TAFA1: variants seen among roughly 807,000 people sequenced by gnomAD.
The protein encoded by TAFA1 is chemokine-like protein TAFA-1.
Under a neutral mutation model 18.5 loss-of-function variants are expected in TAFA1, and 4 were observed. The ratio of observed to expected loss-of-function variants is 0.22; its 90% CI spans 0.11 to 0.49. TAFA1 has a LOEUF of 0.49. Among genes scored for constraint, TAFA1 ranks in the 20% least tolerant of loss-of-function variants. The probability of loss-of-function intolerance (pLI) is 0.98; values close to 1 mark genes in which losing one functional copy is unlikely to be tolerated. For synonymous variants in TAFA1, 56 were observed against 55.2 expected (o/e 1.01, Z -0.06); for missense variants, 147 against 169.0 (o/e 0.87, Z 0.72).
intron 2 of TAFA1, among the ~76,000 whole-genome samples, chr3:68,155,453 T>C (rs1038884226): frequency 6.6e-6 from 1 of 152,190 alleles, no homozygotes; most frequent in Non-Finnish European, 1.5e-5. Flanking sequence ...GATGAGGGTA[T>C]GGAAGTTGAG....
At chr3:68,160,976 G>T (rs1012840332) in intron 2 of TAFA1, among the ~76,000 whole-genome samples, 1 of 152,184 alleles carries the variant, frequency 6.6e-6, no homozygotes, top group African/African-American at 2.4e-5. Flanking sequence ...TACCCAGGGC[G>T]TTAAGTGTGT....
chr3:68,495,636 C>T (rs1033061490), intron 3 of TAFA1, among the ~76,000 whole-genome samples: 6 of 152,080 alleles, frequency 3.9e-5, no homozygotes, highest in Non-Finnish European at 2.9e-5. Flanking sequence ...TTGCTTCCAC[C>T]GAGTTTTCCA....
intron 2 of TAFA1, among the ~76,000 whole-genome samples, chr3:68,382,823 G>A (rs2070003337): frequency 6.6e-6 from 1 of 152,190 alleles, no homozygotes; most frequent in Admixed American, 6.6e-5. Flanking sequence ...ATGATATTGA[G>A]TCTTCCTATA....
chr3:68,031,591 C>T (rs760132456), intron 2 of TAFA1, among the ~76,000 whole-genome samples: 1 of 152,146 alleles, frequency 6.6e-6, no homozygotes, highest in Non-Finnish European at 1.5e-5. Context: ...AGATGAAAAT[C>T]GTCATTTCCA....
upstream of TAFA1, among the ~76,000 whole-genome samples, chr3:68,003,979 C>A (rs1704316090): frequency 6.6e-6 from 1 of 152,106 alleles, no homozygotes; most frequent in South Asian, 2.1e-4. Flanking sequence ...TTCACTTTCC[C>A]ATTTACTGTT....
At chr3:68,002,995 GT>G (rs1425698693), upstream of TAFA1, among the ~76,000 whole-genome samples, 2 of 152,176 alleles carry the variant, frequency 1.3e-5, no homozygotes, top group African/African-American at 2.4e-5. Flanking sequence ...TACAGTCAGT[GT>G]AAACTTTCTG....
chr3:68,474,676 C>G (rs903865989), intron 3 of TAFA1, among the ~76,000 whole-genome samples: 3 of 152,306 alleles, frequency 2.0e-5, no homozygotes, highest in Non-Finnish European at 4.4e-5. Context: ...ATCTCTCTAA[C>G]TATATTCCCA....
chr3:68,221,916 G>A (rs997118303), intron 2 of TAFA1, among the ~76,000 whole-genome samples: 2 of 152,158 alleles, frequency 1.3e-5, no homozygotes, highest in Admixed American at 6.5e-5. Context: ...AAAATCCATG[G>A]TGTATTTGTT....
chr3:68,216,643 G>A (rs1044182455), intron 2 of TAFA1, among the ~76,000 whole-genome samples: 1 of 152,042 alleles, frequency 6.6e-6, no homozygotes, highest in African/African-American at 2.4e-5. Context: ...TGACTCAATT[G>A]TAAAGACCAG....
chr3:68,496,391 T>C (rs1217786461), intron 3 of TAFA1, among the ~76,000 whole-genome samples: 1 of 152,186 alleles, frequency 6.6e-6, no homozygotes, highest in Non-Finnish European at 1.5e-5. Flanking sequence ...CTTCCTTTAG[T>C]ATCTTGCAAT....
chr3:68,316,853 T>G (rs971371631), intron 2 of TAFA1, among the ~76,000 whole-genome samples: 2 of 152,182 alleles, frequency 1.3e-5, no homozygotes, highest in African/African-American at 4.8e-5. Flanking sequence ...TTCTAATATA[T>G]GAAGAAAAAG....
chr3:68,298,062 A>G lies in TAFA1; in HGVS notation c.119-119218A>G, dbSNP rs1470966235. ...CAAAATTGTTTCCTTGCACTTGGAG[A>G]TGTTTTCCCTGTCCATTAGTTCTTT... is the stretch of plus-strand genomic sequence containing the variant. On this transcript the variant is annotated intron_variant, in intron 2 of 4. Coordinates refer to ENST00000478136, the MANE Select transcript of TAFA1 (RefSeq NM_213609.4). Among the ~76,000 whole-genome samples the G allele has an allele frequency of 5.3e-5, 8 of 152,218 alleles. No homozygotes were observed. In the East Asian group the frequency reaches 1.5e-3, roughly 29 times the overall value.
At chr3:68,396,693 G>T (rs536883880) in intron 2 of TAFA1, among the ~76,000 whole-genome samples, 1 of 152,116 alleles carries the variant, frequency 6.6e-6, no homozygotes, top group Admixed American at 6.6e-5. Context: ...TTCTTCAATG[G>T]ATGTATTTGT....
At chr3:68,260,143 A>T (rs1167323750) in intron 2 of TAFA1, among the ~76,000 whole-genome samples, 1 of 152,192 alleles carries the variant, frequency 6.6e-6, no homozygotes, top group Admixed American at 6.5e-5. Flanking sequence ...AGTTTTTAGC[A>T]TGAAGCGTTG....
chr3:68,143,298 G>A (rs957619175), intron 2 of TAFA1, among the ~76,000 whole-genome samples: 1 of 152,100 alleles, frequency 6.6e-6, no homozygotes, highest in African/African-American at 2.4e-5. Context: ...ATTTATGACA[G>A]TCTGGCCACA....
chr3:68,325,859 G>T (rs2068769014), intron 2 of TAFA1, among the ~76,000 whole-genome samples: 1 of 152,160 alleles, frequency 6.6e-6, no homozygotes, highest in African/African-American at 2.4e-5. Flanking sequence ...TAGGATTTGA[G>T]AGAGGTTAAA....
chr3:68,150,275 A>G (rs1337260042), intron 2 of TAFA1, among the ~76,000 whole-genome samples: 1 of 152,160 alleles, frequency 6.6e-6, no homozygotes, highest in Non-Finnish European at 1.5e-5. Flanking sequence ...TGTGTTTCCT[A>G]CACTTCTCTG....
chr3:68,028,332 G>GTA (rs1302880372), intron 2 of TAFA1, among the ~76,000 whole-genome samples: 10 of 150,712 alleles, frequency 6.6e-5, no homozygotes, highest in East Asian at 5.8e-4. Context: ...AAACAAAAAA[G>GTA]TATATATATA....
chr3:67,998,718 AGAAT>A, the TAFA1 span, among the ~76,000 whole-genome samples: 1 of 152,376 alleles, frequency 6.6e-6, no homozygotes, highest in Non-Finnish European at 1.5e-5. Context: ...CACCTGCCTT[AGAAT>A]GAATAGAAAT....
Sources: allele counts gnomAD v4.1 joint callset (sites outside exome capture counted in the v4.1 genomes callset), GRCh38; gene constraint gnomAD v4.1.1; transcripts MANE v1.5; gene names NCBI Gene and HGNC (gene_info 2026-07-23, HGNC 2026-07-21).